GLT1D1: variants seen among roughly 807,000 people sequenced by gnomAD.
GLT1D1 encodes the protein glycosyltransferase 1 domain containing 1.
Under a neutral mutation model 28.7 loss-of-function variants are expected in GLT1D1, and 21 were observed. That is an observed-to-expected ratio of 0.73 (90% confidence interval 0.52 to 1.05). The LOEUF (loss-of-function observed/expected upper bound fraction) is 1.05. Ranked by LOEUF, GLT1D1 falls within the 50% of genes least tolerant of loss-of-function variation. The probability of loss-of-function intolerance (pLI) is 0.00; values close to 1 mark genes in which losing one functional copy is unlikely to be tolerated. For synonymous variants in GLT1D1, 147 were observed against 124.8 expected (o/e 1.18, Z -1.19); for missense variants, 343 against 330.6 (o/e 1.04, Z -0.29).
intron 4 of GLT1D1, among the ~76,000 whole-genome samples, chr12:128,908,072 CT>C (rs1466290225): frequency 1.3e-5 from 2 of 152,104 alleles, no homozygotes; most frequent in Non-Finnish European, 2.9e-5. Context: ...ACGGGTTGTT[CT>C]TTTAAATTTA....
intron 7 of GLT1D1, among the ~76,000 whole-genome samples, chr12:128,982,557 C>T (rs2135563442): frequency 6.6e-6 from 1 of 152,282 alleles, no homozygotes; most frequent in Admixed American, 6.5e-5. Context: ...AGGCTCCACT[C>T]ATGAGAGGGA....
intron 4 of GLT1D1, chr12:128,945,022 C>T (rs1875851351): frequency 8.1e-6 from 5 of 616,024 alleles, no homozygotes; most frequent in Non-Finnish European, 8.8e-6. Flanking sequence ...GTTCAATTCC[C>T]ACCTATGAGT....
intron 6 of GLT1D1, among the ~76,000 whole-genome samples, chr12:128,949,608 G>A (rs1876476279): frequency 6.6e-6 from 1 of 152,116 alleles, no homozygotes; most frequent in Admixed American, 6.5e-5. Flanking sequence ...CTGGATTCGT[G>A]GGCAGCGGGG....
At chr12:128,870,481 T>A (rs987105326) in intron 1 of GLT1D1, among the ~76,000 whole-genome samples, 3 of 152,140 alleles carry the variant, frequency 2.0e-5, no homozygotes, top group African/African-American at 7.2e-5. Flanking sequence ...CCTTTTTAAA[T>A]CAAATCAGAA....
chr12:128,869,363 T>C (rs1956627729), intron 1 of GLT1D1, among the ~76,000 whole-genome samples: 1 of 152,070 alleles, frequency 6.6e-6, no homozygotes. Context: ...GGAGACAGGG[T>C]CTCGCCATGT....
At chr12:128,907,617 T>C (rs1392453161) in intron 4 of GLT1D1, among the ~76,000 whole-genome samples, 1 of 152,222 alleles carries the variant, frequency 6.6e-6, no homozygotes, top group Non-Finnish European at 1.5e-5. Context: ...TAATCATTTT[T>C]AATAGCTTCT....
chr12:128,966,872 C>T (rs775673747), intron 7 of GLT1D1, among the ~76,000 whole-genome samples: 3 of 152,130 alleles, frequency 2.0e-5, no homozygotes, highest in Non-Finnish European at 4.4e-5. Flanking sequence ...ATACCTCACC[C>T]CTGGAAAACT....
chr12:128,951,439 T>C (rs1217469422), intron 6 of GLT1D1, among the ~76,000 whole-genome samples: 1 of 152,214 alleles, frequency 6.6e-6, no homozygotes, highest in Non-Finnish European at 1.5e-5. Context: ...CATCATGTTG[T>C]ACACTGTAAA....
intron 4 of GLT1D1, among the ~76,000 whole-genome samples, chr12:128,939,621 G>A (rs1874917698): frequency 6.6e-6 from 1 of 152,080 alleles, no homozygotes; most frequent in African/African-American, 2.4e-5. Flanking sequence ...AGGTTTAATT[G>A]GCTCAAGTTC....
chr12:128,863,741 T>C (rs1355953111), intron 1 of GLT1D1, among the ~76,000 whole-genome samples: 1 of 151,852 alleles, frequency 6.6e-6, no homozygotes, highest in African/African-American at 2.4e-5. Context: ...AGTAATAATT[T>C]TGGGTTTCAC....
intron 7 of GLT1D1, among the ~76,000 whole-genome samples, chr12:128,980,594 G>A (rs990315746): frequency 1.3e-5 from 2 of 152,204 alleles, no homozygotes; most frequent in African/African-American, 4.8e-5. Context: ...GGAGCTGGAT[G>A]TTCCGAGACG....
chr12:128,863,434 G>A (rs1186401736), intron 1 of GLT1D1, among the ~76,000 whole-genome samples: 6 of 152,038 alleles, frequency 3.9e-5, no homozygotes, highest in East Asian at 1.9e-4. Flanking sequence ...GTGCAGTGGC[G>A]TGATCTCGGC....
At chr12:128,886,083 G>A (rs906588695) in intron 2 of GLT1D1, among the ~76,000 whole-genome samples, 1 of 152,126 alleles carries the variant, frequency 6.6e-6, no homozygotes, top group African/African-American at 2.4e-5. Flanking sequence ...GAGTTTCCCT[G>A]CACACGCTGT....
At chr12:128,954,794 T>C (rs1280443191) in intron 6 of GLT1D1, among the ~76,000 whole-genome samples, 3 of 152,066 alleles carry the variant, frequency 2.0e-5, no homozygotes, top group Non-Finnish European at 4.4e-5. Context: ...TACAAAACAT[T>C]TTTAAAAACA....
At chr12:128,966,127 G>T (rs1298482804) in intron 7 of GLT1D1, among the ~76,000 whole-genome samples, 2 of 152,212 alleles carry the variant, frequency 1.3e-5, no homozygotes, top group Non-Finnish European at 2.9e-5. Context: ...CTTTCCCCCT[G>T]CAACCACTGC....
chr12:128,875,799 T>TCAACAA (rs926511432), intron 1 of GLT1D1, 115 bp from the exon 2 acceptor site: 4 of 996,662 alleles, frequency 4.0e-6, no homozygotes, highest in Non-Finnish European at 4.4e-6. Flanking sequence ...AAACTCTGTC[T>TCAACAA]CAACAACAAC....
chr12:128,947,295 A>G (rs756195770), intron 5 of GLT1D1, 43 bp from the exon 10 acceptor site: 1 of 1,612,376 alleles, frequency 6.2e-7, no homozygotes, highest in Non-Finnish European at 8.5e-7. Context: ...CCTACCCATG[A>G]GATTCTTGGA....
rs61498838 is a variant in GLT1D1, at chr12:128,946,635, CTTTTTT to C, written c.420-677_420-672del. Among the ~76,000 whole-genome samples the C allele has an allele frequency of 5.0e-3, 319 of 64,094 alleles. 2 individuals are homozygous for C. The highest frequency in any genetic ancestry group is 5.9e-3 in the South Asian group (10 of 1,696). 42.0% of individuals were successfully genotyped at this position (64,094 alleles called of 152,430 possible). ...GGCGTGAGCCACTGCGCCCGGCCTC[CTTTTTT>C]TTTTTTTTTTTTTTTTTTTTTTTTT... is the stretch of plus-strand genomic sequence containing the variant. On this transcript the variant is annotated intron_variant, in intron 5 of 7. Coordinates refer to ENST00000281703, the MANE Select transcript of GLT1D1 (RefSeq NM_144669.3).
intron 1 of GLT1D1, among the ~76,000 whole-genome samples, chr12:128,868,135 G>A (rs1956593392): frequency 6.6e-6 from 1 of 152,210 alleles, no homozygotes; most frequent in African/African-American, 2.4e-5. Flanking sequence ...AGAGGACAGG[G>A]ACAGGAGTCC....
Sources: gnomAD v4.1 joint callset for allele counts (sites outside exome capture counted in the v4.1 genomes callset) on GRCh38, gnomAD v4.1.1 for gene constraint, MANE v1.5 for transcripts, NCBI Gene and HGNC (gene_info 2026-07-23, HGNC 2026-07-21) for gene names.